ITGAL: variants seen among roughly 807,000 people sequenced by gnomAD.
The protein encoded by ITGAL is integrin alpha-L.
ITGAL carries 68 observed loss-of-function variants against 138.4 expected under a neutral mutation model. The observed-to-expected ratio is 0.49, with a 90% CI of 0.40 to 0.60. The LOEUF is 0.60. Ranked by LOEUF, ITGAL falls within the 20% of genes least tolerant of loss-of-function variation. The probability of loss-of-function intolerance (pLI) is 0.00; values close to 1 mark genes in which losing one functional copy is unlikely to be tolerated. For synonymous variants in ITGAL, 561 were observed against 584.3 expected (o/e 0.96, Z 0.57); for missense variants, 1,256 against 1,478.6 (o/e 0.85, Z 2.47).
At chr16:30,499,586 C>G (rs1468610069) in intron 17 of ITGAL, 97 bp downstream of exon 17, 1 of 1,196,540 alleles carries the variant, frequency 8.4e-7, no homozygotes, top group African/African-American at 1.5e-5. Flanking sequence ...TTCCATCCCT[C>G]TGTGCTGTCA....
chr16:30,484,188 G>C lies in ITGAL; in HGVS notation c.931G>C (p.Val311Leu). 1 of 1,614,164 alleles carries C rather than the reference G, an allele frequency of 6.2e-7. No individual in the cohort carries two copies. The highest frequency in any genetic ancestry group is 8.5e-7 in the Non-Finnish European group (1 of 1,180,026). The change falls in exon 9 of 31, where the codon GTG (valine) becomes CTG (leucine). Residue 311 changes from valine (V) to leucine (L), a missense_variant. Around this residue, in one of 3 missense-constraint regions of ITGAL, gnomAD observed 177 missense variants for 288.8 expected, o/e 0.61. Transcript: ENST00000356798. ...TGCATCAAAACCCGCGAGCGAGTTT[G>C]TGAAAATTCTGGACACATTTGAGAA... ...KFASKPASEF[V>L]KILDTFEKLK...
At position 30,474,276 on chromosome 16, in the gene ITGAL, C is replaced by T; in HGVS notation, c.142C>T (p.Arg48Cys). ...PPRAGRHFGY[R>C]VLQVGNGVIV... ...GCGCGCCGGGAGGCACTTTGGATAC[C>T]GCGTCCTGCAGGTCGGAAACGGGTG... Residue 48 changes from arginine (R) to cysteine (C), a missense_variant, in exon 2 of 31, where the codon CGC becomes TGC. Transcript: ENST00000356798. The T allele has an allele frequency of 3.7e-6, 6 of 1,607,760 alleles. No homozygotes were observed. The highest frequency in any genetic ancestry group is 5.1e-6 in the Non-Finnish European group (6 of 1,177,070).
intron 11 of ITGAL, 26 bp downstream of exon 11, chr16:30,489,412 A>G: frequency 6.2e-7 from 1 of 1,610,934 alleles, no homozygotes; most frequent in Non-Finnish European, 8.5e-7. Context: ...TTCTGCTGGG[A>G]TCTTCTGGTT....
At chr16:30,478,480 C>T (rs1467872020) in intron 4 of ITGAL, among the ~76,000 whole-genome samples, 2 of 151,824 alleles carry the variant, frequency 1.3e-5, no homozygotes, top group Admixed American at 6.6e-5. Context: ...AGGCAGATCA[C>T]GAGGTTGGGA....
chr16:30,517,519 T>C (rs529069137), intron 26 of ITGAL, 130 bp from the exon 27 acceptor site: 5 of 746,480 alleles, frequency 6.7e-6, no homozygotes, highest in South Asian at 4.5e-5. Flanking sequence ...GATGGATGAA[T>C]TCAGGTCCTG....
intron 17 of ITGAL, among the ~76,000 whole-genome samples, chr16:30,501,429 T>C (rs910350358): frequency 6.6e-6 from 1 of 151,732 alleles, no homozygotes; most frequent in Admixed American, 6.6e-5. Context: ...TGTACAAAAT[T>C]AGCTGGGCGT....
At position 30,517,979 on chromosome 16, in the gene ITGAL, T is replaced by C. The variant is rs998760906; in HGVS notation, c.3132+84T>C. On this transcript the variant is annotated intron_variant, in intron 28 of 30. Coordinates refer to ENST00000356798, the MANE Select transcript of ITGAL (RefSeq NM_002209.3). ...TTGTGGGTGGGCTCCCACCAGATAG[T>C]CTGCCTCCATTTTTGTTTTCCATCT... 2.3e-5 allele frequency: 24 copies of C among 1,036,596 alleles called. No individual in the cohort carries two copies. The Admixed American group carries it at 4.0e-4, about 17-fold the overall frequency. The allele number at this position is 1,036,596 out of a possible 1,614,324, so 64.2% of individuals were successfully genotyped here. A position where few individuals can be genotyped will look rare whatever the true frequency, so the allele number is the denominator to read the frequency against.
Position 30,494,186 on chromosome 16 carries a change from C to T in ITGAL, c.1214-26C>T. 1 of 1,564,026 alleles carries T rather than the reference C, an allele frequency of 6.4e-7. No individual in the cohort carries two copies. The highest frequency in any genetic ancestry group is 8.7e-7 in the Non-Finnish European group (1 of 1,145,964). On this transcript the variant is annotated intron_variant, in intron 11 of 30. Transcript: ENST00000356798. The surrounding 1 kb of genome is among the most constrained non-coding windows in gnomAD (Gnocchi z 4.2). ...TTCTTCCAGCATCCTGTGTTCCTAA[C>T]TCCACACCCCACACACTTTCCTCAG...
intron 30 of ITGAL, among the ~76,000 whole-genome samples, chr16:30,520,561 G>GC (rs1266529602): frequency 6.6e-6 from 1 of 152,186 alleles, no homozygotes; most frequent in Admixed American, 6.5e-5. Context: ...TTGGCTGCTG[G>GC]GCACTGTCCC....
intron 6 of ITGAL, among the ~76,000 whole-genome samples, chr16:30,479,804 A>G (rs991700993): frequency 2.6e-5 from 4 of 151,924 alleles, no homozygotes; most frequent in African/African-American, 7.3e-5. Flanking sequence ...GGCAACTGCC[A>G]CTACACCCAG....
rs184908538 is a variant in ITGAL, at chr16:30,479,117, G to A, written c.354G>A (p.Thr118=). The A allele has an allele frequency of 4.2e-5, 67 of 1,614,058 alleles. No homozygotes were observed. In the East Asian group the frequency reaches 8.2e-4, roughly 20 times the overall value. The part of the protein sequence containing the change: ...ILACDPGLSR[T]CDQNTYLSGL... ...CCTGTGACCCTGGGCTGTCTCGAACGTGTGACCAGAACACCTATCTGAGTG... is the reference window on the plus strand; with the variant it reads ...CCTGTGACCCTGGGCTGTCTCGAACATGTGACCAGAACACCTATCTGAGTG... The change falls in exon 5 of 31, where the codon ACG becomes ACA. Residue 118 remains threonine (T), a synonymous_variant. Coordinates refer to ENST00000356798, the MANE Select transcript of ITGAL (RefSeq NM_002209.3).
rs1371855560 is a variant in ITGAL at position 30,506,733 on chromosome 16, A to G, written c.2385A>G (p.Leu795=). The G allele has an allele frequency of 6.2e-7, 1 of 1,613,656 alleles. No homozygotes were observed. ...FSPARSRALR[L]TAFASLSVEL... Reference sequence around the variant, plus strand: ...CCCACAGATCCAGAGCCCTGCGTCTAACTGCTTTTGCCAGCCTCTCTGTGG... The same window carrying G: ...CCCACAGATCCAGAGCCCTGCGTCTGACTGCTTTTGCCAGCCTCTCTGTGG... The change falls in exon 21 of 31, where the codon CTA becomes CTG. Residue 795 remains leucine (L), a synonymous_variant. Transcript: ENST00000356798.
At chr16:30,509,279 T>C (rs1254840668) in intron 21 of ITGAL, 1 of 152,134 alleles carries the variant, frequency 6.6e-6, no homozygotes, top group Non-Finnish European at 1.5e-5. Context: ...TTATGACACC[T>C]TGGGAAAGTC....
At chr16:30,516,590 C>T (rs1259155312) in intron 25 of ITGAL, among the ~76,000 whole-genome samples, 1 of 152,096 alleles carries the variant, frequency 6.6e-6, no homozygotes, top group African/African-American at 2.4e-5. Flanking sequence ...TCAGGGAGTT[C>T]ATGGTCTAGT....
At position 30,489,156 on chromosome 16, in the gene ITGAL, G is replaced by T; in HGVS notation, c.1080+1G>T. ...CGGCATCAGTGCTGACCTCAGCAGGGTGCGTGCTGGGCTGGAGCAATGGGC... is the reference window on the plus strand; with the variant it reads ...CGGCATCAGTGCTGACCTCAGCAGGTTGCGTGCTGGGCTGGAGCAATGGGC... On this transcript the variant is annotated splice_donor_variant, in intron 10 of 30. Coordinates refer to ENST00000356798, the MANE Select transcript of ITGAL (RefSeq NM_002209.3). LOFTEE classifies it high-confidence loss of function. The T allele has an allele frequency of 1.2e-6, 2 of 1,614,108 alleles. No homozygotes were observed. Among genetic ancestry groups the T allele is most frequent in the Non-Finnish European group, 1.7e-6 (2 of 1,179,994 alleles).
Position 30,489,065 on chromosome 16 carries a change from T to C in ITGAL, c.1007-17T>C, listed in dbSNP as rs757296230. On this transcript the variant is annotated splice_polypyrimidine_tract_variant and intron_variant, in intron 9 of 30. Coordinates refer to ENST00000356798, the MANE Select transcript of ITGAL (RefSeq NM_002209.3). ...TACTGCTGTTGGGTCTCACCTGTTC[T>C]CTGCTTTGTTCCCCAGGCACAAGCA... 1.3e-5 allele frequency: 21 copies of C among 1,611,288 alleles called. No individual in the cohort carries two copies. Among genetic ancestry groups the C allele is most frequent in the Middle Eastern group, 1.9e-4 (1 of 5,146 alleles).
At chr16:30,475,965 T>G (rs1201439674) in intron 4 of ITGAL, among the ~76,000 whole-genome samples, 1 of 151,616 alleles carries the variant, frequency 6.6e-6, no homozygotes, top group African/African-American at 2.4e-5. Flanking sequence ...TTGCCCAGAC[T>G]GGTCTTGAGC....
intron 26 of ITGAL, 92 bp from the exon 27 acceptor site, chr16:30,517,557 C>T: frequency 1.9e-6 from 2 of 1,056,518 alleles, no homozygotes; most frequent in Admixed American, 3.5e-5. Context: ...TGAACTCACC[C>T]AGGGCCAGGG....
intron 1 of ITGAL, chr16:30,473,893 C>T: frequency 1.9e-6 from 1 of 534,180 alleles, no homozygotes; most frequent in Admixed American, 2.2e-5. Flanking sequence ...CTTGGTCACC[C>T]TCTGCCTTGG....
Sources: allele counts gnomAD v4.1 joint callset (sites outside exome capture counted in the v4.1 genomes callset), GRCh38; gene constraint gnomAD v4.1.1; regional missense constraint gnomAD v4.1.1; non-coding constraint Gnocchi (gnomAD v3.1); transcripts MANE v1.5; gene names NCBI Gene and HGNC (gene_info 2026-07-23, HGNC 2026-07-21).